The following ACSL1 variants were observed in gnomAD, a reference collection of about 807,000 sequenced individuals.
The protein encoded by ACSL1 is long-chain-fatty-acid--CoA ligase 1.
Under a neutral mutation model 98.4 loss-of-function variants are expected in ACSL1, and 41 were observed. The observed-to-expected ratio is 0.42, with a 90% CI of 0.32 to 0.54. The LOEUF is 0.54. Among genes scored for constraint, ACSL1 ranks in the 20% least tolerant of loss-of-function variants. The probability of loss-of-function intolerance (pLI) is 0.13; values close to 1 mark genes in which losing one functional copy is unlikely to be tolerated. For missense variants in ACSL1, 734 were observed against 883.1 expected (o/e 0.83, Z 2.14); for synonymous variants, 316 against 322.7 (o/e 0.98, Z 0.22).
At chr4:184,806,134 C>T (rs890007217) in intron 1 of ACSL1, among the ~76,000 whole-genome samples, 62 of 152,192 alleles carry the variant, frequency 4.1e-4, no homozygotes, top group African/African-American at 1.4e-3. Flanking sequence ...CTGGTCTAGG[C>T]TTTCAGTGGG....
chr4:184,809,339 C>G (rs747550338), intron 1 of ACSL1, among the ~76,000 whole-genome samples: 3 of 152,012 alleles, frequency 2.0e-5, no homozygotes, highest in Non-Finnish European at 4.4e-5. Context: ...TATATGCCCC[C>G]CAAAATAAAG....
intron 1 of ACSL1, among the ~76,000 whole-genome samples, chr4:184,814,864 C>A (rs1335262815): frequency 6.6e-6 from 1 of 152,166 alleles, no homozygotes; most frequent in African/African-American, 2.4e-5. Context: ...GCTATGTGAG[C>A]CACTTCCACT....
chr4:184,805,575 A>C, intron 1 of ACSL1: 2 of 942,894 alleles, frequency 2.1e-6, no homozygotes, highest in Non-Finnish European at 1.3e-6. Context: ...CACTGCAGAC[A>C]CAGAAGAGGG....
intron 3 of ACSL1, among the ~76,000 whole-genome samples, chr4:184,786,418 G>GCACACACA (rs61564967): frequency 1.6e-4 from 22 of 138,952 alleles, no homozygotes; most frequent in African/African-American, 5.7e-4. Flanking sequence ...TGGTGGCAAA[G>GCACACACA]CACACACACA....
upstream of ACSL1, chr4:184,826,164 C>A (rs974510456): frequency 6.7e-5 from 10 of 149,558 alleles, no homozygotes; most frequent in East Asian, 1.9e-4. Context: ...AGCGCCCGGC[C>A]GCCCTCCTGT....
At chr4:184,822,893 G>A (rs1344248260) in intron 1 of ACSL1, among the ~76,000 whole-genome samples, 1 of 152,198 alleles carries the variant, frequency 6.6e-6, no homozygotes, top group African/African-American at 2.4e-5. Context: ...AGCATTTGAT[G>A]TAAAATGACA....
At chr4:184,768,279 A>G in intron 12 of ACSL1, 37 bp downstream of exon 12, 1 of 1,590,118 alleles carries the variant, frequency 6.3e-7, no homozygotes, top group Non-Finnish European at 8.5e-7. Context: ...CGTCCAAGTC[A>G]GTGCTCAGTC....
chr4:184,774,709 A>T (rs1765027040), intron 7 of ACSL1, among the ~76,000 whole-genome samples: 1 of 152,190 alleles, frequency 6.6e-6, no homozygotes, highest in South Asian at 2.1e-4. Context: ...TGAACATGCC[A>T]TTGAACACGC....
At chr4:184,786,430 A>ACACACACG (rs1767338799) in intron 3 of ACSL1, among the ~76,000 whole-genome samples, 1 of 140,860 alleles carries the variant, frequency 7.1e-6, no homozygotes, top group African/African-American at 2.5e-5. Flanking sequence ...ACACACACAC[A>ACACACACG]CACACACACA....
intron 2 of ACSL1, among the ~76,000 whole-genome samples, chr4:184,794,492 C>T (rs1374291480): frequency 6.6e-6 from 1 of 152,234 alleles, no homozygotes; most frequent in Non-Finnish European, 1.5e-5. Context: ...AGATCCTTTC[C>T]TCCCAGCTGA....
upstream of ACSL1, chr4:184,826,044 A>C (rs1168349208): frequency 2.1e-5 from 3 of 145,572 alleles, no homozygotes; most frequent in Admixed American, 6.8e-5. Context: ...CGCCCCCGCC[A>C]CCGCCGCGGC....
intron 17 of ACSL1, 57 bp downstream of exon 17, chr4:184,762,350 A>T: frequency 1.4e-6 from 2 of 1,448,086 alleles, no homozygotes; most frequent in South Asian, 2.3e-5. Flanking sequence ...TAGATAAGAC[A>T]TTTTCTTCCC....
intron 2 of ACSL1, among the ~76,000 whole-genome samples, chr4:184,800,423 T>C (rs1193572367): frequency 2.6e-5 from 4 of 152,102 alleles, no homozygotes; most frequent in Non-Finnish European, 2.9e-5. Flanking sequence ...GTCACTCCAG[T>C]GAAGATCGTT....
In ACSL1 at chr4:184,773,223, C is replaced by T; in HGVS notation, c.842-69G>A. On this transcript the variant is annotated intron_variant, in intron 9 of 20. Transcript: ENST00000281455. The surrounding 1 kb of genome is among the most constrained non-coding windows in gnomAD (Gnocchi z 4.3). ...AAATGAAGGAGGCCCAGAAACCTCA[C>T]ATAATTAGGGCTTCAGACACCTCTA... The T allele has an allele frequency of 1.4e-6, 2 of 1,415,344 alleles. No homozygotes were observed. The highest frequency in any genetic ancestry group is 1.2e-5 in the South Asian group (1 of 85,590). 87.7% of individuals were successfully genotyped at this position (1,415,344 alleles called of 1,614,324 possible).
At position 184,757,319 on chromosome 4, in the gene ACSL1, C is replaced by A; in HGVS notation, c.1957-54G>T. 1 of 1,555,664 alleles carries A rather than the reference C, an allele frequency of 6.4e-7. No homozygotes were observed. Among genetic ancestry groups the A allele is most frequent in the South Asian group, 1.2e-5 (1 of 84,434 alleles). On this transcript the variant is annotated intron_variant, in intron 20 of 20. Transcript: ENST00000281455. The surrounding 1 kb of genome is among the most constrained non-coding windows in gnomAD (Gnocchi z 4.5). ...GAAAAAGGACACGGGCCACCAGTCT[C>A]AAAAGCACGTAAGCCTTGGAGGGGA...
intron 1 of ACSL1, among the ~76,000 whole-genome samples, chr4:184,811,318 TGGCCA>T (rs2150477700): frequency 6.6e-6 from 1 of 152,156 alleles, no homozygotes; most frequent in East Asian, 1.9e-4. Flanking sequence ...TTCACCGTGT[TGGCCA>T]GGATGGTCTC....
At chr4:184,799,014 T>C (rs1174341222) in intron 2 of ACSL1, 4 of 152,296 alleles carry the variant, frequency 2.6e-5, no homozygotes, top group Non-Finnish European at 5.9e-5. Flanking sequence ...ATTCCATCTA[T>C]GTCTGACCTG....
At chr4:184,788,040 G>GGA (rs1767701505) in intron 3 of ACSL1, among the ~76,000 whole-genome samples, 1 of 152,154 alleles carries the variant, frequency 6.6e-6, no homozygotes, top group African/African-American at 2.4e-5. Context: ...CTCAGGGCTG[G>GGA]GAGAGAGCAG....
intron 5 of ACSL1, among the ~76,000 whole-genome samples, chr4:184,779,320 T>C (rs1765828195): frequency 6.6e-6 from 1 of 152,198 alleles, no homozygotes; most frequent in Admixed American, 6.5e-5. Context: ...TTTTGCTTCT[T>C]CCGCATTTTC....
Sources: allele counts gnomAD v4.1 joint callset (sites outside exome capture counted in the v4.1 genomes callset), GRCh38; gene constraint gnomAD v4.1.1; non-coding constraint Gnocchi (gnomAD v3.1); transcripts MANE v1.5; gene names NCBI Gene and HGNC (gene_info 2026-07-23, HGNC 2026-07-21).